OVGP1: variants seen among roughly 807,000 people sequenced by gnomAD.
OVGP1 encodes the protein oviductal glycoprotein 1.
Under a neutral mutation model 48.2 loss-of-function variants are expected in OVGP1, and 26 were observed. The observed-to-expected ratio is 0.54, with a 90% CI of 0.40 to 0.75. The LOEUF (loss-of-function observed/expected upper bound fraction) is 0.75, where lower values mean the gene tolerates loss of function less well. OVGP1 is among the 30% of genes least tolerant of loss of function. OVGP1 has a pLI of 0.00. For synonymous variants in OVGP1, 294 were observed against 305.7 expected, an observed-to-expected ratio of 0.96 and a Z score of 0.40; for missense variants, 791 against 820.6, an observed-to-expected ratio of 0.96 and a Z score of 0.44.
rs766911226 is a variant in OVGP1, at chr1:111,414,790, G to A, written c.1711C>T (p.Arg571Cys). ...TVAPRRKAVA[R>C]EKVTVPSRNI... ...CTGGAGGGGACAGTCACCTTTTCAC[G>A]GGCCACAGCCTTCCTTCTAGGGGCC... is the stretch of plus-strand genomic sequence containing the variant. Residue 571 changes from arginine to cysteine, a missense_variant, in exon 11 of 11, where the codon CGT (arginine) becomes TGT (cysteine). Physicochemically the swap from Arg to Cys is radical, Grantham distance 180. Coordinates refer to ENST00000369732, the MANE Select transcript of OVGP1 (RefSeq NM_002557.4). 70 of 1,602,594 alleles carry A rather than the reference G, an allele frequency of 4.4e-5. 1 individual carries two copies. The Admixed American group carries it at 5.2e-4, about 12-fold the overall frequency.
At chr1:111,425,657 C>T (rs1652380956) in intron 3 of OVGP1, among the ~76,000 whole-genome samples, 1 of 152,118 alleles carries the variant, frequency 6.6e-6, no homozygotes, top group East Asian at 1.9e-4. Flanking sequence ...CCATCACAGC[C>T]CAACAACTCC....
chr1:111,421,381 G>C lies in OVGP1; in HGVS notation c.798C>G (p.Thr266=). 6.2e-7 allele frequency: 1 copy of C among 1,614,142 alleles called. No homozygotes were observed. The highest frequency in any genetic ancestry group is 8.5e-7 in the Non-Finnish European group (1 of 1,180,010). The part of the protein sequence containing the change: ...LIMGIPTYGR[T]FRLLKASKNG... The stretch of plus-strand genomic sequence containing the variant: ...TCTTAGAGGCTTTGAGGAGGCGAAA[G>C]GTACGTCCATAGGTGGGGATCCCCA... Residue 266 remains threonine (T), a synonymous_variant, in exon 8 of 11, where the codon ACC becomes ACG. Coordinates refer to ENST00000369732, the MANE Select transcript of OVGP1 (RefSeq NM_002557.4).
intron 8 of OVGP1, among the ~76,000 whole-genome samples, chr1:111,420,601 C>T (rs1453781305): frequency 6.6e-6 from 1 of 152,244 alleles, no homozygotes; most frequent in Non-Finnish European, 1.5e-5. Context: ...TCTGCTCAAA[C>T]TCTACCTGCT....
intron 10 of OVGP1, among the ~76,000 whole-genome samples, 195 bp from the exon 11 acceptor site, chr1:111,415,539 T>C (rs565420836): frequency 5.9e-5 from 9 of 152,288 alleles, no homozygotes; most frequent in African/African-American, 1.9e-4. Flanking sequence ...GACCCCGCCA[T>C]GTTCACAGGT....
Position 111,421,295 on chromosome 1 carries a change from C to T in OVGP1, c.884G>A (p.Gly295Asp). The change falls in exon 8 of 11, where the codon GGC (glycine) becomes GAC (aspartate). Residue 295 changes from glycine to aspartate, a missense_variant. Coordinates refer to ENST00000369732, the MANE Select transcript of OVGP1 (RefSeq NM_002557.4). ...CATCACCTCAAAATAAGCCAAGAAG[C>T]CTTCTTGCTTGGTGTACTTCCCTGG... ...ASPGKYTKQE[G>D]FLAYFEICSF... 6.2e-7 allele frequency: 1 copy of T among 1,607,654 alleles called. No individual in the cohort carries two copies. Among genetic ancestry groups the T allele is most frequent in the Admixed American group, 1.7e-5 (1 of 58,540 alleles).
rs1365476799 is a variant in OVGP1, at chr1:111,423,690, G to T, written c.336C>A (p.Ser112=). The change falls in exon 5 of 11, where the codon TCC becomes TCA. Residue 112 remains serine (S), a synonymous_variant. Coordinates refer to ENST00000369732, the MANE Select transcript of OVGP1 (RefSeq NM_002557.4). ...FGTSRFTTML[S]TFANREKFIA... is the part of the protein sequence containing the mutation. The stretch of plus-strand genomic sequence containing the variant: ...TAAACTTTTCACGGTTGGCAAATGT[G>T]GACAACATAGTGGTGAATCTGTAGG... 5 of 1,613,922 alleles carry T rather than the reference G, an allele frequency of 3.1e-6. No individual in the cohort carries two copies. The highest frequency in any genetic ancestry group is 3.4e-6 in the Non-Finnish European group (4 of 1,179,942).
At chr1:111,418,431 C>T (rs986108136) in intron 9 of OVGP1, among the ~76,000 whole-genome samples, 9 of 152,296 alleles carry the variant, frequency 5.9e-5, no homozygotes, top group African/African-American at 1.4e-4. Flanking sequence ...TATCTCTCTC[C>T]GCCCCAGCAG....
chr1:111,426,538 G>C lies in OVGP1; in HGVS notation c.159C>G (p.His53Gln), dbSNP rs779679268. 1 of 1,614,132 alleles carries C rather than the reference G, an allele frequency of 6.2e-7. No homozygotes were observed. Among genetic ancestry groups the C allele is most frequent in the South Asian group, 1.1e-5 (1 of 91,086 alleles). The stretch of plus-strand genomic sequence containing the variant: ...TCATTGAGGCAAAGGCAAATATCAG[G>C]TGGGTGCAGAGAAAGGGGTCCAGGT... ...PHDLDPFLCTHLIFAFASMNN... is the reference protein window; with the variant it reads ...PHDLDPFLCTQLIFAFASMNN... The change falls in exon 3 of 11, where the codon CAC (histidine) becomes CAG (glutamine). Residue 53 changes from histidine (H) to glutamine (Q), a missense_variant. Coordinates refer to ENST00000369732, the MANE Select transcript of OVGP1 (RefSeq NM_002557.4).
chr1:111,414,568 TG>T lies in OVGP1; in HGVS notation c.1932del (p.Ile645SerfsTer11). 6.2e-7 allele frequency: 1 copy of T among 1,614,174 alleles called. No individual in the cohort carries two copies. The highest frequency in any genetic ancestry group is 8.5e-7 in the Non-Finnish European group (1 of 1,180,022). On this transcript the variant is annotated frameshift_variant, in exon 11 of 11. Coordinates refer to ENST00000369732, the MANE Select transcript of OVGP1 (RefSeq NM_002557.4). LOFTEE classifies it low-confidence loss of function (END_TRUNC). ...TTGACAGAGGAATGGTTTCCATAGATGGGAACAAAGCGGTTGTCAAAAGCTA... is the reference window on the plus strand; with the variant it reads ...TTGACAGAGGAATGGTTTCCATAGATGGAACAAAGCGGTTGTCAAAAGCTA... ...TPLAFDNRFV[P>X]IYGNHSSVNS...
chr1:111,425,117 G>A (rs1183943520), intron 4 of OVGP1, among the ~76,000 whole-genome samples: 2 of 152,214 alleles, frequency 1.3e-5, no homozygotes, highest in Non-Finnish European at 2.9e-5. Flanking sequence ...AAAGGTTGAG[G>A]AAACAATTAT....
chr1:111,423,687 T>C lies in OVGP1; in HGVS notation c.339A>G (p.Thr113=). The change falls in exon 5 of 11, where the codon ACA becomes ACG. Residue 113 remains threonine, a synonymous_variant. Coordinates refer to ENST00000369732, the MANE Select transcript of OVGP1 (RefSeq NM_002557.4). ...GTSRFTTMLS[T]FANREKFIAS... is the part of the protein sequence containing the mutation. The stretch of plus-strand genomic sequence containing the variant: ...CAATAAACTTTTCACGGTTGGCAAA[T>C]GTGGACAACATAGTGGTGAATCTGT... The C allele has an allele frequency of 6.2e-7, 1 of 1,614,034 alleles. No individual in the cohort carries two copies. Among genetic ancestry groups the C allele is most frequent in the Non-Finnish European group, 8.5e-7 (1 of 1,179,960 alleles).
At chr1:111,416,729 C>T (rs1489666608) in intron 9 of OVGP1, 4 of 321,088 alleles carry the variant, frequency 1.2e-5, no homozygotes, top group Admixed American at 1.0e-4. Context: ...TTCTTACATG[C>T]ACATATTACA....
intron 5 of OVGP1, 44 bp downstream of exon 5, chr1:111,423,499 A>G: frequency 6.3e-7 from 1 of 1,596,976 alleles, no homozygotes; most frequent in South Asian, 1.1e-5. Flanking sequence ...GATATATAAA[A>G]GTAGAATCAT....
At position 111,427,682 on chromosome 1, in the gene OVGP1, A is replaced by G; in HGVS notation, c.25+15T>C. 3 of 1,611,856 alleles carry G rather than the reference A, an allele frequency of 1.9e-6. No homozygotes were observed. Among genetic ancestry groups the G allele is most frequent in the Non-Finnish European group, 1.7e-6 (2 of 1,179,614 alleles). On this transcript the variant is annotated intron_variant, in intron 1 of 10. Coordinates refer to ENST00000369732, the MANE Select transcript of OVGP1 (RefSeq NM_002557.4). ...TCCTGGACTGAGTGACACTGCTGGG[A>G]CCTGCCACACTCACCAACCCACAGC...
intron 6 of OVGP1, among the ~76,000 whole-genome samples, chr1:111,421,990 T>C (rs1392118035): frequency 6.6e-6 from 1 of 152,208 alleles, no homozygotes; most frequent in African/African-American, 2.4e-5. Flanking sequence ...GTAAAAGCAG[T>C]CTGTTCCATA....
At chr1:111,421,484 C>A (rs776786879) in intron 7 of OVGP1, 23 bp from the exon 8 acceptor site, 2 of 1,608,654 alleles carry the variant, frequency 1.2e-6, no homozygotes, top group South Asian at 2.2e-5. Context: ...AGAATCCAGA[C>A]TCCTCCTTGT....
intron 9 of OVGP1, among the ~76,000 whole-genome samples, chr1:111,418,990 T>C (rs1652198831): frequency 6.6e-6 from 1 of 152,160 alleles, no homozygotes; most frequent in Non-Finnish European, 1.5e-5. Flanking sequence ...GGTCATAGTT[T>C]GGCTCTAAAA....
rs113984808 is a variant in OVGP1, at chr1:111,414,946, G to T, written c.1555C>A (p.Pro519Thr). Residue 519 changes from proline (P) to threonine (T), a missense_variant, in exon 11 of 11, where the codon CCT (proline) becomes ACT (threonine). Coordinates refer to ENST00000369732, the MANE Select transcript of OVGP1 (RefSeq NM_002557.4). ...LTSVGYQSVTPGEKTLTPVGH... is the reference protein window; with the variant it reads ...LTSVGYQSVTTGEKTLTPVGH... ...ACAGGGGTCAGGGTCTTTTCCCCAG[G>T]GGTCACAGACTGATAACCCACAGAG... 27 of 804,706 alleles carry T rather than the reference G, an allele frequency of 3.4e-5. No homozygotes were observed. The highest frequency in any genetic ancestry group is 1.5e-4 in the East Asian group (5 of 32,426). The allele number at this position is 804,706 out of a possible 1,614,324, so 49.8% of individuals were successfully genotyped here.
intron 4 of OVGP1, among the ~76,000 whole-genome samples, chr1:111,425,175 C>T (rs1652367457): frequency 6.6e-6 from 1 of 152,224 alleles, no homozygotes; most frequent in African/African-American, 2.4e-5. Flanking sequence ...TTTCTCACCA[C>T]CTGCTAGAAC....
Sources: allele counts gnomAD v4.1 joint callset (sites outside exome capture counted in the v4.1 genomes callset), GRCh38; gene constraint gnomAD v4.1.1; transcripts MANE v1.5; gene names NCBI Gene and HGNC (gene_info 2026-07-23, HGNC 2026-07-21).